Variants in PRKCB observed in about 807,000 individuals in gnomAD.
The protein encoded by PRKCB is protein kinase C beta.
A neutral mutation model predicts 81.5 loss-of-function variants in PRKCB; 13 were observed. That is an observed-to-expected ratio of 0.16 (90% CI 0.10 to 0.25). PRKCB has a LOEUF of 0.25. PRKCB is among the 10% of genes least tolerant of loss of function. The probability of loss-of-function intolerance (pLI) is 1.00; values close to 1 mark genes in which losing one functional copy is unlikely to be tolerated. For synonymous variants in PRKCB, 335 were observed against 321.4 expected (o/e 1.04, Z -0.45); for missense variants, 509 against 875.7 (o/e 0.58, Z 5.29).
intron 2 of PRKCB, among the ~76,000 whole-genome samples, chr16:23,881,144 T>G (rs1261301493): frequency 2.0e-5 from 3 of 152,102 alleles, no homozygotes; most frequent in Admixed American, 1.3e-4. Context: ...GTGATGCTCC[T>G]GGGGGCCCAG....
chr16:24,082,932 A>G (rs1018954495), intron 5 of PRKCB, among the ~76,000 whole-genome samples: 5 of 152,216 alleles, frequency 3.3e-5, no homozygotes, highest in Non-Finnish European at 7.4e-5. Context: ...TGCAAATCAC[A>G]TATCTGACAA....
At chr16:24,074,646 G>A (rs760439625) in intron 5 of PRKCB, among the ~76,000 whole-genome samples, 2 of 152,224 alleles carry the variant, frequency 1.3e-5, no homozygotes, top group African/African-American at 2.4e-5. Flanking sequence ...AGTCAGTGAG[G>A]ATGTTCTGAG....
In PRKCB at chr16:24,212,969, A is replaced by C. The variant is rs539545901; in HGVS notation, c.1864-1689A>C. 2.0e-5 allele frequency among the ~76,000 whole-genome samples: 3 copies of C among 151,940 alleles called. No individual in the cohort carries two copies. The East Asian group carries it at 5.8e-4, about 29-fold the overall frequency. Reference sequence around the variant, plus strand: ...TTCCCGCTGGCCCCTTCCCCACTTCATTAGTTAGTCAGCCACCAGGCTGCC... The same window carrying C: ...TTCCCGCTGGCCCCTTCCCCACTTCCTTAGTTAGTCAGCCACCAGGCTGCC... On this transcript the variant is annotated intron_variant, in intron 16 of 16. Transcript: ENST00000643927.
At chr16:24,159,709 T>C (rs1967224537) in intron 10 of PRKCB, among the ~76,000 whole-genome samples, 1 of 152,156 alleles carries the variant, frequency 6.6e-6, no homozygotes. Context: ...ATTTTCACTT[T>C]ACAGCCAGGC....
rs1966329788 is a variant in PRKCB, at chr16:24,087,975, T to C, written c.530-4816T>C. On this transcript the variant is annotated intron_variant, in intron 5 of 16. Transcript: ENST00000643927. ...TTGCAAACTTCCACCAGTGGGGACG[T>C]TTGCTATTTCTGCTCTGTGTGAAGC... Among the ~76,000 whole-genome samples, 3 of 152,172 alleles carry C rather than the reference T, an allele frequency of 2.0e-5. No homozygotes were observed. The South Asian group carries it at 6.2e-4, about 32-fold the overall frequency.
At chr16:23,982,565 G>A (rs1452071529) in intron 2 of PRKCB, among the ~76,000 whole-genome samples, 2 of 151,742 alleles carry the variant, frequency 1.3e-5, no homozygotes, top group Non-Finnish European at 2.9e-5. Context: ...AAGTAGCTGG[G>A]ACCACAGGTG....
chr16:23,855,415 T>C (rs1962548355), intron 2 of PRKCB, among the ~76,000 whole-genome samples: 2 of 152,018 alleles, frequency 1.3e-5, no homozygotes, highest in African/African-American at 2.4e-5. Flanking sequence ...GTGGATTAAA[T>C]GAGACAGGCA....
Position 23,911,128 on chromosome 16 carries a change from C to CTT in PRKCB, c.205+73746_205+73747dup, listed in dbSNP as rs567904157. 5.9e-3 allele frequency among the ~76,000 whole-genome samples: 186 copies of CTT among 31,550 alleles called. 60 individuals carry two copies. The highest frequency in any genetic ancestry group is 0.017 in the African/African-American group (139 of 7,946). The allele number at this position is 31,550 out of a possible 152,430, so 20.7% of individuals were successfully genotyped here. A position where few individuals can be genotyped will look rare whatever the true frequency, so the allele number is the denominator to read the frequency against. On this transcript the variant is annotated intron_variant, in intron 2 of 16. Transcript: ENST00000643927. ...ATAAATAGCCATAAACGTATATATG[C>CTT]TTTTTTTTTTTTTTTTTTTTTTTTT...
chr16:24,054,939 A>G (rs948099230), intron 5 of PRKCB, among the ~76,000 whole-genome samples: 2 of 152,182 alleles, frequency 1.3e-5, no homozygotes, highest in African/African-American at 4.8e-5. Flanking sequence ...GTTTTCCTGG[A>G]GGGCAGAGAC....
chr16:23,945,508 G>A (rs543677361), intron 2 of PRKCB, among the ~76,000 whole-genome samples: 1 of 152,286 alleles, frequency 6.6e-6, no homozygotes, highest in Middle Eastern at 3.4e-3. Flanking sequence ...CACGATAGGG[G>A]CCCAATAAGT....
At chr16:24,139,262 G>C (rs1280069518) in intron 9 of PRKCB, among the ~76,000 whole-genome samples, 1 of 152,166 alleles carries the variant, frequency 6.6e-6, no homozygotes, top group Non-Finnish European at 1.5e-5. Flanking sequence ...TACTGGAATT[G>C]ATCAATATCA....
At chr16:24,188,467 C>T (rs1444433720) in intron 15 of PRKCB, among the ~76,000 whole-genome samples, 4 of 152,054 alleles carry the variant, frequency 2.6e-5, no homozygotes, top group African/African-American at 9.7e-5. Context: ...TTTGCAGTAC[C>T]TTTTCTTTGC....
chr16:24,196,593 A>G (rs1967883279), intron 16 of PRKCB, among the ~76,000 whole-genome samples: 1 of 152,140 alleles, frequency 6.6e-6, no homozygotes, highest in African/African-American at 2.4e-5. Context: ...AGCCCTGCAG[A>G]GTGTCTTAAA....
At chr16:24,210,728 G>T (rs968815812) in intron 16 of PRKCB, among the ~76,000 whole-genome samples, 2 of 152,116 alleles carry the variant, frequency 1.3e-5, no homozygotes, top group African/African-American at 4.8e-5. Context: ...ATGAATTCCT[G>T]AGCTCAAGTG....
At chr16:24,146,832 G>GTTCC (rs1315758921) in intron 9 of PRKCB, among the ~76,000 whole-genome samples, 10 of 152,188 alleles carry the variant, frequency 6.6e-5, no homozygotes, top group African/African-American at 2.2e-4. Context: ...CCTGGAGAGA[G>GTTCC]AGGGACAGCT....
intron 9 of PRKCB, among the ~76,000 whole-genome samples, chr16:24,154,447 C>T (rs1339390948): frequency 6.6e-6 from 1 of 152,176 alleles, no homozygotes; most frequent in Admixed American, 6.5e-5. Context: ...CATGTTACTA[C>T]CCTCTAGGCT....
chr16:24,087,150 T>G (rs1480957499), intron 5 of PRKCB, among the ~76,000 whole-genome samples: 1 of 152,236 alleles, frequency 6.6e-6, no homozygotes, highest in East Asian at 1.9e-4. Context: ...AAAAATATTC[T>G]TAGTACATTT....
intron 12 of PRKCB, among the ~76,000 whole-genome samples, chr16:24,179,010 T>C (rs1408473698): frequency 6.6e-6 from 1 of 152,222 alleles, no homozygotes; most frequent in African/African-American, 2.4e-5. Flanking sequence ...GGCTCTGCTT[T>C]CTCTATATTA....
chr16:24,078,092 A>C (rs2141890219), intron 5 of PRKCB, among the ~76,000 whole-genome samples: 1 of 152,372 alleles, frequency 6.6e-6, no homozygotes, highest in African/African-American at 2.4e-5. Flanking sequence ...AGCTGCCGAC[A>C]GACAGTTTTG....
Sources: allele counts gnomAD v4.1 joint callset (sites outside exome capture counted in the v4.1 genomes callset), GRCh38; gene constraint gnomAD v4.1.1; transcripts MANE v1.5; gene names NCBI Gene and HGNC (gene_info 2026-07-23, HGNC 2026-07-21).